CNTN5: variants seen among roughly 807,000 people sequenced by gnomAD.
The protein encoded by CNTN5 is contactin 5.
Under a neutral mutation model 129.1 loss-of-function variants are expected in CNTN5, and 77 were observed. The ratio of observed to expected loss-of-function variants is 0.60; its 90% CI spans 0.50 to 0.72. The LOEUF (loss-of-function observed/expected upper bound fraction) is 0.72, where lower values mean the gene tolerates loss of function less well. Among genes scored for constraint, CNTN5 ranks in the 30% least tolerant of loss-of-function variants. The probability of loss-of-function intolerance (pLI) is 0.00; values close to 1 mark genes in which losing one functional copy is unlikely to be tolerated. For synonymous variants in CNTN5, 509 were observed against 465.6 expected (o/e 1.09, Z -1.20); for missense variants, 1,478 against 1,328.8 (o/e 1.11, Z -1.75).
intron 4 of CNTN5, among the ~76,000 whole-genome samples, chr11:99,825,731 A>G (rs1002932963): frequency 7.2e-5 from 11 of 152,078 alleles, no homozygotes; most frequent in African/African-American, 2.7e-4. Flanking sequence ...CCTCTTTTGT[A>G]GCGGGCAAGT....
At chr11:99,201,548 A>G (rs920788163) in intron 1 of CNTN5, among the ~76,000 whole-genome samples, 4 of 152,026 alleles carry the variant, frequency 2.6e-5, no homozygotes, top group Non-Finnish European at 5.9e-5. Context: ...CCTGGAAAAA[A>G]AGATTGAAGG....
intron 6 of CNTN5, among the ~76,000 whole-genome samples, chr11:99,858,995 CTG>C (rs1214702434): frequency 2.0e-5 from 3 of 152,052 alleles, no homozygotes; most frequent in Non-Finnish European, 4.4e-5. Context: ...CATTAGGAAA[CTG>C]TGCCTGAAGG....
intron 24 of CNTN5, among the ~76,000 whole-genome samples, chr11:100,353,908 C>T (rs751256229): frequency 2.0e-5 from 3 of 151,370 alleles, no homozygotes; most frequent in Non-Finnish European, 4.4e-5. Context: ...CTAAAACTAC[C>T]CCCCCAAATC....
intron 4 of CNTN5, among the ~76,000 whole-genome samples, chr11:99,824,970 T>C (rs1946908166): frequency 6.6e-6 from 1 of 152,028 alleles, no homozygotes; most frequent in South Asian, 2.1e-4. Flanking sequence ...AAAATAATAA[T>C]ATAGTAAGAA....
intron 1 of CNTN5, among the ~76,000 whole-genome samples, chr11:99,053,525 C>T (rs976661657): frequency 1.3e-5 from 2 of 151,750 alleles, no homozygotes; most frequent in Admixed American, 1.3e-4. Flanking sequence ...CTGTGGGATC[C>T]CTGGTCTATA....
intron 4 of CNTN5, among the ~76,000 whole-genome samples, chr11:99,823,445 T>A (rs1321141798): frequency 2.0e-5 from 3 of 152,138 alleles, no homozygotes; most frequent in Admixed American, 6.6e-5. Context: ...TTGTTCTCCT[T>A]TATATTTTCT....
intron 7 of CNTN5, 66 bp from the exon 8 acceptor site, chr11:99,956,740 G>A (rs185697822): frequency 2.2e-5 from 26 of 1,196,794 alleles, no homozygotes; most frequent in Admixed American, 5.3e-5. Context: ...AGGCTTTGTT[G>A]TTTGAGCTTT....
chr11:99,755,073 G>C (rs1251623394), intron 3 of CNTN5, among the ~76,000 whole-genome samples: 1 of 151,948 alleles, frequency 6.6e-6, no homozygotes, highest in African/African-American at 2.4e-5. Flanking sequence ...AGGCTTGATA[G>C]CTCATTTCTT....
At chr11:100,318,483 T>C (rs2138952596) in intron 21 of CNTN5, among the ~76,000 whole-genome samples, 1 of 152,312 alleles carries the variant, frequency 6.6e-6, no homozygotes, top group East Asian at 1.9e-4. Context: ...CATTGTCAAT[T>C]ACTAATTGAC....
At chr11:99,357,352 T>C (rs1938749348) in intron 2 of CNTN5, among the ~76,000 whole-genome samples, 2 of 151,930 alleles carry the variant, frequency 1.3e-5, no homozygotes, top group South Asian at 4.1e-4. Context: ...AAAGGGTGAG[T>C]TATTCGCTTA....
chr11:99,225,274 C>G (rs1860621201), intron 1 of CNTN5, among the ~76,000 whole-genome samples: 1 of 151,988 alleles, frequency 6.6e-6, no homozygotes, highest in Non-Finnish European at 1.5e-5. Context: ...CAATGTGAAG[C>G]CTATAGCAAC....
intron 2 of CNTN5, among the ~76,000 whole-genome samples, chr11:99,445,454 C>T (rs924034818): frequency 2.6e-5 from 4 of 152,074 alleles, no homozygotes; most frequent in South Asian, 4.1e-4. Context: ...GTTCAAATGG[C>T]GCCTCCAGTT....
At chr11:99,531,238 C>A (rs937088832) in intron 2 of CNTN5, among the ~76,000 whole-genome samples, 5 of 152,154 alleles carry the variant, frequency 3.3e-5, no homozygotes, top group African/African-American at 1.2e-4. Flanking sequence ...AGACTGGCAG[C>A]ATTTGCCCCT....
At chr11:99,315,372 G>A (rs978606335) in intron 1 of CNTN5, among the ~76,000 whole-genome samples, 2 of 149,518 alleles carry the variant, frequency 1.3e-5, no homozygotes, top group African/African-American at 4.9e-5. Flanking sequence ...ACATGTTATA[G>A]TTTAAAGGGC....
At chr11:99,021,856 A>G (rs1049620249) in intron 1 of CNTN5, among the ~76,000 whole-genome samples, 2 of 152,210 alleles carry the variant, frequency 1.3e-5, no homozygotes, top group Non-Finnish European at 2.9e-5. Flanking sequence ...TTAAAAAATT[A>G]TGTTCAGACA....
At chr11:100,131,335 T>A (rs1300476173) in intron 13 of CNTN5, among the ~76,000 whole-genome samples, 4 of 152,000 alleles carry the variant, frequency 2.6e-5, no homozygotes. Context: ...AACCTTGATA[T>A]GGATTTGATA....
intron 7 of CNTN5, among the ~76,000 whole-genome samples, chr11:99,924,117 A>T (rs932765368): frequency 6.6e-6 from 1 of 152,112 alleles, no homozygotes; most frequent in African/African-American, 2.4e-5. Flanking sequence ...ACTTTTTATT[A>T]ATAGCCATTC....
intron 21 of CNTN5, among the ~76,000 whole-genome samples, chr11:100,327,487 C>A (rs1486830411): frequency 1.3e-5 from 2 of 152,188 alleles, no homozygotes; most frequent in Non-Finnish European, 2.9e-5. Context: ...TGAAGACTTC[C>A]CTGACCAGCC....
At chr11:99,925,744 T>C (rs915810533) in intron 7 of CNTN5, among the ~76,000 whole-genome samples, 2 of 151,922 alleles carry the variant, frequency 1.3e-5, no homozygotes, top group Non-Finnish European at 2.9e-5. Context: ...GGATTCTAAA[T>C]ACTTCTTCTT....
Sources: gnomAD v4.1 joint callset for allele counts (sites outside exome capture counted in the v4.1 genomes callset) on GRCh38, gnomAD v4.1.1 for gene constraint, MANE v1.5 for transcripts, NCBI Gene and HGNC (gene_info 2026-07-23, HGNC 2026-07-21) for gene names.